The following RGS6 variants were observed in gnomAD, a reference collection of about 807,000 sequenced individuals.
RGS6 encodes the protein regulator of G protein signaling 6, also known as regulator of G-protein signaling 6.
A neutral mutation model predicts 78.5 loss-of-function variants in RGS6; 30 were observed. That is an observed-to-expected ratio of 0.38 (90% CI 0.29 to 0.52). The LOEUF (loss-of-function observed/expected upper bound fraction) is 0.52, where lower values mean the gene tolerates loss of function less well. Among genes scored for constraint, RGS6 ranks in the 20% least tolerant of loss-of-function variants. RGS6 has a pLI of 0.85. For missense variants in RGS6, 495 were observed against 609.7 expected (o/e 0.81, Z 1.98); for synonymous variants, 206 against 206.0 (o/e 1.00, Z 0.00).
chr14:72,073,436 C>T (rs2094473578), intron 2 of RGS6, among the ~76,000 whole-genome samples: 1 of 152,178 alleles, frequency 6.6e-6, no homozygotes, highest in Admixed American at 6.5e-5. Context: ...GTTATACATA[C>T]ATTTAAGAAA....
chr14:71,872,962 G>C, the RGS6 span, among the ~76,000 whole-genome samples: 9 of 152,236 alleles, frequency 5.9e-5, no homozygotes, highest in East Asian at 1.7e-3. Flanking sequence ...CCCTACAAAG[G>C]ACATGAACTC....
At chr14:72,619,217 G>A in the RGS6 span, 1 of 1,386,728 alleles carries the variant, frequency 7.2e-7, no homozygotes, top group Non-Finnish European at 9.8e-7. Context: ...CTGGATATGT[G>A]GGAGGAGGGC....
intron 2 of RGS6, among the ~76,000 whole-genome samples, chr14:72,239,593 GCAC>G (rs1203693810): frequency 2.6e-5 from 4 of 152,154 alleles, no homozygotes; most frequent in African/African-American, 9.7e-5. Context: ...AACACAGTGA[GCAC>G]CTCTCTTGAC....
Position 72,451,898 on chromosome 14 carries a change from T to A in RGS6, c.185-2630T>A, listed in dbSNP as rs7146819. Among the ~76,000 whole-genome samples the A allele has an allele frequency of 2.6e-5, 4 of 151,824 alleles. No individual in the cohort carries two copies. In the East Asian group the frequency reaches 7.7e-4, roughly 29 times the overall value. ...CTCCCGAGTAGCTGGGACTCAGGCA[T>A]GTGGCACCACGCCTGGCTAATGTTT... On this transcript the variant is annotated intron_variant, in intron 3 of 17. Coordinates refer to ENST00000553525, the MANE Select transcript of RGS6 (RefSeq NM_001204424.2).
At position 72,458,463 on chromosome 14, in the gene RGS6, G is replaced by C. The variant is rs2238186; in HGVS notation, c.342+86G>C. 0.23 allele frequency: 241,705 copies of C among 1,039,350 alleles called. 31,649 individuals are homozygous for C. Among genetic ancestry groups the C allele is most frequent in the East Asian group, 0.53 (22,244 of 41,754 alleles). The allele number at this position is 1,039,350 out of a possible 1,614,324, so 64.4% of individuals were successfully genotyped here. ...GTTAGAACTACAAAGAAAACCTAGG[G>C]ATATCTGAGGGAGTAGCCCTCACTC... On this transcript the variant is annotated intron_variant, in intron 5 of 17. Coordinates refer to ENST00000553525, the MANE Select transcript of RGS6 (RefSeq NM_001204424.2).
At chr14:72,468,375 C>CAAAA (rs5809574) in intron 7 of RGS6, among the ~76,000 whole-genome samples, 1 of 132,548 alleles carries the variant, frequency 7.5e-6, no homozygotes, top group Admixed American at 7.5e-5. Context: ...GACTCCGTCT[C>CAAAA]AAAAAAAAAA....
At chr14:72,134,905 G>C (rs2153599535) in intron 2 of RGS6, among the ~76,000 whole-genome samples, 1 of 152,276 alleles carries the variant, frequency 6.6e-6, no homozygotes, top group South Asian at 2.1e-4. Flanking sequence ...GCCCTCAACA[G>C]ATTGGGTGGT....
the RGS6 span, among the ~76,000 whole-genome samples, chr14:72,611,800 A>G: frequency 3.3e-5 from 5 of 152,126 alleles, no homozygotes; most frequent in African/African-American, 1.2e-4. Flanking sequence ...CCGACCCCTC[A>G]GCCTCCACAG....
chr14:72,040,246 C>T (rs2092267799), intron 2 of RGS6, among the ~76,000 whole-genome samples: 2 of 151,712 alleles, frequency 1.3e-5, no homozygotes, highest in Non-Finnish European at 2.9e-5. Flanking sequence ...TTTTCATATG[C>T]TTTCATATTG....
intron 3 of RGS6, among the ~76,000 whole-genome samples, chr14:72,367,329 G>T (rs1473504113): frequency 1.3e-5 from 2 of 152,272 alleles, no homozygotes; most frequent in East Asian, 3.9e-4. Flanking sequence ...CCTACAGCCT[G>T]TATGAATTTG....
chr14:72,003,475 A>G (rs1482373089), intron 2 of RGS6, among the ~76,000 whole-genome samples: 3 of 152,216 alleles, frequency 2.0e-5, no homozygotes, highest in Non-Finnish European at 4.4e-5. Context: ...GAAACTGTGT[A>G]CTTATTAATC....
intron 2 of RGS6, among the ~76,000 whole-genome samples, chr14:72,041,358 C>T (rs993823888): frequency 5.3e-5 from 8 of 152,178 alleles, no homozygotes; most frequent in African/African-American, 1.9e-4. Flanking sequence ...TCTTTTTCAA[C>T]AGTTTGTGTT....
chr14:72,245,504 C>T (rs1202704248), intron 2 of RGS6, among the ~76,000 whole-genome samples: 1 of 152,246 alleles, frequency 6.6e-6, no homozygotes, highest in East Asian at 1.9e-4. Context: ...GGATCACGCC[C>T]TTAAGACACA....
At chr14:72,492,189 C>T (rs923241258) in intron 12 of RGS6, among the ~76,000 whole-genome samples, 4 of 152,182 alleles carry the variant, frequency 2.6e-5, no homozygotes, top group Non-Finnish European at 4.4e-5. Context: ...GCATTTATTT[C>T]ATCAGTTTCA....
intron 17 of RGS6, among the ~76,000 whole-genome samples, chr14:72,545,850 C>A (rs2097390556): frequency 1.3e-5 from 2 of 152,134 alleles, no homozygotes; most frequent in African/African-American, 2.4e-5. Context: ...AGGGTGAGTG[C>A]CCTACACCCT....
intron 2 of RGS6, among the ~76,000 whole-genome samples, chr14:72,239,662 G>A (rs2052231696): frequency 6.6e-6 from 1 of 152,158 alleles, no homozygotes; most frequent in African/African-American, 2.4e-5. Context: ...GAGTCTTTCC[G>A]GAAGCAGTAG....
intron 2 of RGS6, among the ~76,000 whole-genome samples, chr14:72,000,019 G>A (rs1034042971): frequency 3.3e-5 from 5 of 152,174 alleles, no homozygotes; most frequent in Non-Finnish European, 7.3e-5. Context: ...ACCTTCTATG[G>A]TGTTAGTGGA....
At chr14:72,051,297 G>T (rs74063035) in intron 2 of RGS6, among the ~76,000 whole-genome samples, 2 of 152,030 alleles carry the variant, frequency 1.3e-5, no homozygotes, top group African/African-American at 4.8e-5. Flanking sequence ...GGCAGTATTC[G>T]CATGGGGGCA....
chr14:72,113,574 A>G (rs1045492771), intron 2 of RGS6, among the ~76,000 whole-genome samples: 2 of 152,184 alleles, frequency 1.3e-5, no homozygotes, highest in Non-Finnish European at 2.9e-5. Context: ...ACAGTTTGCT[A>G]CTGCTATGTA....
Sources: allele counts gnomAD v4.1 joint callset (sites outside exome capture counted in the v4.1 genomes callset), GRCh38; gene constraint gnomAD v4.1.1; transcripts MANE v1.5; gene names NCBI Gene and HGNC (gene_info 2026-07-23, HGNC 2026-07-21).